EGFR: variants seen among roughly 807,000 people sequenced by gnomAD.
EGFR encodes the protein avian erythroblastic leukemia viral (v-erb-b) oncogene homolog.
Under a neutral mutation model 143.0 loss-of-function variants are expected in EGFR, and 58 were observed. The observed-to-expected ratio is 0.41, with a 90% CI of 0.33 to 0.50. EGFR has a LOEUF of 0.50. Ranked by LOEUF, EGFR falls within the 20% of genes least tolerant of loss-of-function variation. EGFR has a pLI of 0.39. For missense variants in EGFR, 1,307 were observed against 1,579.0 expected, an observed-to-expected ratio of 0.83 and a Z score of 2.92; for synonymous variants, 613 against 594.4, an observed-to-expected ratio of 1.03 and a Z score of -0.45.
rs753993081 is a variant in EGFR at position 55,146,594 on chromosome 7, A to G, written c.425-12A>G. 3.1e-6 allele frequency: 5 copies of G among 1,613,938 alleles called. No individual in the cohort carries two copies. The highest frequency in any genetic ancestry group is 1.7e-6 in the Non-Finnish European group (2 of 1,180,004). ...TGGAAAGAGTGCTCACCGCAGTTCC[A>G]TTCTCCCGCAGAAATCCTGCATGGC... On this transcript the variant is annotated splice_polypyrimidine_tract_variant and intron_variant, in intron 3 of 27. Coordinates refer to ENST00000275493, the MANE Select transcript of EGFR (RefSeq NM_005228.5).
At chr7:55,167,675 A>T (rs1786131912) in intron 15 of EGFR, among the ~76,000 whole-genome samples, 1 of 150,670 alleles carries the variant, frequency 6.6e-6, no homozygotes, top group Non-Finnish European at 1.5e-5. Context: ...GGTGGTGAGG[A>T]GGTGGAAGTC....
intron 20 of EGFR, among the ~76,000 whole-genome samples, chr7:55,190,583 A>G (rs931763877): frequency 3.3e-5 from 5 of 151,942 alleles, no homozygotes; most frequent in Admixed American, 1.3e-4. Flanking sequence ...CTGCAGTCAC[A>G]CTACAGTGGG....
chr7:55,062,915 G>A (rs1789274711), intron 1 of EGFR, among the ~76,000 whole-genome samples: 1 of 151,908 alleles, frequency 6.6e-6, no homozygotes, highest in African/African-American at 2.4e-5. Context: ...TGTGCTCTAA[G>A]CCCATTGGTT....
chr7:55,191,539 G>A lies in EGFR; in HGVS notation c.2470-180G>A, dbSNP rs956160945. ...TGGAGAAAAGTTAATGGTCAGCAGC[G>A]GGTTACATCTTCTTTCATGCGCCTT... On this transcript the variant is annotated intron_variant, in intron 20 of 27. Transcript: ENST00000275493. 3.7e-4 allele frequency among the ~76,000 whole-genome samples: 57 copies of A among 152,160 alleles called. 1 individual carries two copies. The highest frequency in any genetic ancestry group is 2.1e-4 in the South Asian group (1 of 4,812).
intron 1 of EGFR, among the ~76,000 whole-genome samples, chr7:55,130,521 G>A (rs899673813): frequency 2.6e-5 from 4 of 152,076 alleles, no homozygotes; most frequent in Non-Finnish European, 4.4e-5. Flanking sequence ...GCCCGCCCCC[G>A]GGACAAGGTC....
chr7:55,040,097 T>C (rs1787816807), intron 1 of EGFR, among the ~76,000 whole-genome samples: 1 of 152,118 alleles, frequency 6.6e-6, no homozygotes, highest in Non-Finnish European at 1.5e-5. Context: ...GATCAGACAG[T>C]TGAGTCTTGT....
At chr7:55,143,542 G>T in intron 3 of EGFR, 54 bp downstream of exon 3, 1 of 1,596,528 alleles carries the variant, frequency 6.3e-7, no homozygotes, top group South Asian at 1.1e-5. Context: ...CAGCAGTTCC[G>T]ATGGCTCCCA....
At chr7:55,132,093 A>C (rs754734647) in intron 1 of EGFR, among the ~76,000 whole-genome samples, 1 of 152,040 alleles carries the variant, frequency 6.6e-6, no homozygotes, top group Non-Finnish European at 1.5e-5. Context: ...ACCAATGTAA[A>C]TGTGTGTATG....
chr7:55,142,552 T>C, intron 2 of EGFR, 115 bp downstream of exon 2: 1 of 1,327,766 alleles, frequency 7.5e-7, no homozygotes, highest in Non-Finnish European at 1.1e-6. Context: ...ATGACAAGTC[T>C]TACAGAGCTA....
intron 1 of EGFR, among the ~76,000 whole-genome samples, chr7:55,080,087 G>C (rs939045185): frequency 2.0e-5 from 3 of 152,132 alleles, no homozygotes; most frequent in African/African-American, 7.2e-5. Flanking sequence ...AGTATGTCCT[G>C]TGGTTTTCCC....
intron 1 of EGFR, among the ~76,000 whole-genome samples, chr7:55,078,779 G>A (rs976246550): frequency 6.6e-6 from 1 of 152,208 alleles, no homozygotes; most frequent in Non-Finnish European, 1.5e-5. Context: ...GGCAGCCCGC[G>A]GATCCTGTGC....
intron 1 of EGFR, among the ~76,000 whole-genome samples, chr7:55,141,405 G>A (rs1794450043): frequency 6.6e-6 from 1 of 152,022 alleles, no homozygotes; most frequent in African/African-American, 2.4e-5. Context: ...TTTTTTCTTG[G>A]ATTAAGTTTG....
chr7:55,147,419 G>T, intron 4 of EGFR, among the ~76,000 whole-genome samples: 1 of 151,162 alleles, frequency 6.6e-6, no homozygotes, highest in East Asian at 1.9e-4. Context: ...TGGACTTTCT[G>T]TTCTTTAGAG....
intron 1 of EGFR, among the ~76,000 whole-genome samples, chr7:55,047,386 G>A (rs1788236546): frequency 6.6e-6 from 1 of 152,212 alleles, no homozygotes; most frequent in Non-Finnish European, 1.5e-5. Context: ...GTAGCCTAAT[G>A]CATTCAATCA....
Position 55,142,505 on chromosome 7 carries a change from G to C in EGFR, c.240+68G>C, listed in dbSNP as rs532275913. On this transcript the variant is annotated intron_variant, in intron 2 of 27. Transcript: ENST00000275493. ...ATCTAAGTGGAGAAAGGCCTGGGCA[G>C]AATTCCACTTGAAGTGTGTTTATTT... The C allele has an allele frequency of 1.6e-4, 250 of 1,583,434 alleles. No homozygotes were observed. In the African/African-American group the frequency reaches 3.0e-3, roughly 19 times the overall value.
intron 1 of EGFR, among the ~76,000 whole-genome samples, chr7:55,120,116 T>A (rs932362255): frequency 1.3e-5 from 2 of 152,230 alleles, no homozygotes; most frequent in Non-Finnish European, 2.9e-5. Context: ...CAGGACAAGC[T>A]ACTCTTTTTC....
At chr7:55,089,873 G>A (rs1291025175) in intron 1 of EGFR, among the ~76,000 whole-genome samples, 2 of 152,148 alleles carry the variant, frequency 1.3e-5, no homozygotes, top group African/African-American at 2.4e-5. Flanking sequence ...CCTCTTTCCT[G>A]TCAATACAAG....
intron 19 of EGFR, among the ~76,000 whole-genome samples, chr7:55,176,450 T>C (rs1253888134): frequency 6.6e-6 from 1 of 152,206 alleles, no homozygotes; most frequent in Non-Finnish European, 1.5e-5. Flanking sequence ...CCTGGCATGG[T>C]GGCTTTCGCC....
At chr7:55,026,868 CA>C (rs113196161) in intron 1 of EGFR, among the ~76,000 whole-genome samples, 4,503 of 134,668 alleles carry the variant, frequency 0.033, 148 homozygotes, top group South Asian at 0.12. Flanking sequence ...CTTTAACTGC[CA>C]AAAAAAAAAA....
Sources: allele counts gnomAD v4.1 joint callset (sites outside exome capture counted in the v4.1 genomes callset), GRCh38; gene constraint gnomAD v4.1.1; transcripts MANE v1.5; gene names NCBI Gene and HGNC (gene_info 2026-07-23, HGNC 2026-07-21).